Variants in RBFOX3 observed in about 807,000 individuals in gnomAD.
RBFOX3 encodes RNA binding protein fox-1 homolog 3.
RBFOX3 carries 17 observed loss-of-function variants against 48.7 expected under a neutral mutation model. The observed-to-expected ratio is 0.35, with a 90% confidence interval of 0.24 to 0.52. RBFOX3 has a LOEUF of 0.52. RBFOX3 is among the 20% of genes least tolerant of loss of function. RBFOX3 has a pLI of 0.94. For missense variants in RBFOX3, 382 were observed against 497.5 expected (o/e 0.77, Z 2.21); for synonymous variants, 212 against 209.5 (o/e 1.01, Z -0.10).
chr17:79,282,263 G>A (rs1409151885), intron 3 of RBFOX3, among the ~76,000 whole-genome samples: 1 of 152,196 alleles, frequency 6.6e-6, no homozygotes, highest in Non-Finnish European at 1.5e-5. Context: ...GGCCACGAAA[G>A]CAGGGGTAAC....
intron 4 of RBFOX3, among the ~76,000 whole-genome samples, chr17:79,206,889 C>T (rs564661123): frequency 1.3e-5 from 2 of 152,192 alleles, no homozygotes; most frequent in Non-Finnish European, 2.9e-5. Flanking sequence ...CTCATTGACT[C>T]AATAGTACAC....
chr17:79,483,248 C>T (rs1568326681), intron 1 of RBFOX3, among the ~76,000 whole-genome samples: 1 of 152,020 alleles, frequency 6.6e-6, no homozygotes, highest in African/African-American at 2.4e-5. Context: ...GACAGCTTCA[C>T]GGTCAACCCC....
chr17:79,409,591 G>T (rs2064003229), intron 2 of RBFOX3, among the ~76,000 whole-genome samples: 1 of 151,988 alleles, frequency 6.6e-6, no homozygotes, highest in South Asian at 2.1e-4. Flanking sequence ...AGTCCATAAG[G>T]CATGTGCAGA....
At chr17:79,600,590 C>G (rs1306966095) in intron 1 of RBFOX3, 1 of 152,200 alleles carries the variant, frequency 6.6e-6, no homozygotes, top group African/African-American at 2.4e-5. Context: ...GAGGAGACCC[C>G]CGGGGTCTTC....
intron 3 of RBFOX3, among the ~76,000 whole-genome samples, chr17:79,248,797 C>A (rs1360739769): frequency 1.3e-5 from 2 of 152,196 alleles, no homozygotes; most frequent in Admixed American, 1.3e-4. Flanking sequence ...CTGAGGCTGG[C>A]AGGGAGTGTT....
At chr17:79,217,622 G>A (rs890789697) in intron 4 of RBFOX3, among the ~76,000 whole-genome samples, 1 of 152,240 alleles carries the variant, frequency 6.6e-6, no homozygotes, top group Non-Finnish European at 1.5e-5. Context: ...GTGCAGAGGA[G>A]GAAATGGCAT....
chr17:79,361,519 C>T lies in RBFOX3; in HGVS notation c.-174-53695G>A, dbSNP rs1280488251. 2.0e-5 allele frequency among the ~76,000 whole-genome samples: 3 copies of T among 152,234 alleles called. No homozygotes were observed. Among genetic ancestry groups the T allele is most frequent in the African/African-American group, 4.8e-5 (2 of 41,464 alleles). The stretch of plus-strand genomic sequence containing the variant: ...CCACCACCTCCTGCCCCTGAGCCCG[C>T]GTGGCTCTCTGTGCCACAGCTGGAG... On this transcript the variant is annotated intron_variant, in intron 2 of 14. Transcript: ENST00000693108. This position sits in a 1 kb window ranked among gnomAD's most constrained non-coding sequence, Gnocchi z 4.5.
At chr17:79,424,773 C>T (rs1044850913) in intron 2 of RBFOX3, among the ~76,000 whole-genome samples, 11 of 152,170 alleles carry the variant, frequency 7.2e-5, no homozygotes, top group African/African-American at 2.7e-4. Flanking sequence ...TGGGGTCATC[C>T]CTTGGGATCC....
intron 2 of RBFOX3, among the ~76,000 whole-genome samples, chr17:79,330,488 G>T (rs954898791): frequency 3.3e-5 from 5 of 152,004 alleles, no homozygotes; most frequent in East Asian, 1.9e-4. Context: ...AGAATCTTGG[G>T]TCATTCCTGC....
chr17:79,200,856 C>T (rs138724890), intron 4 of RBFOX3, among the ~76,000 whole-genome samples: 1 of 152,194 alleles, frequency 6.6e-6, no homozygotes, highest in Admixed American at 6.5e-5. Context: ...ATCTGGGAAG[C>T]CAAGACAGAA....
chr17:79,658,292 C>G, the RBFOX3 span, among the ~76,000 whole-genome samples: 4 of 148,508 alleles, frequency 2.7e-5, no homozygotes, highest in Non-Finnish European at 6.0e-5. Context: ...CCTCCTCCAC[C>G]CTTCCCTCTC....
At position 79,111,032 on chromosome 17, in the gene RBFOX3, G is replaced by A. The variant is rs1318270242; in HGVS notation, c.223-4244C>T. Among the ~76,000 whole-genome samples, 5 of 152,382 alleles carry A rather than the reference G, an allele frequency of 3.3e-5. No individual in the cohort carries two copies. Among genetic ancestry groups the A allele is most frequent in the South Asian group, 4.1e-4 (2 of 4,834 alleles). Reference sequence around the variant, plus strand: ...CTCCTGGCTGAGGGGAGAGGGCCTTGGCCAGACTGTGAAGCCTGTAGTTAT... The same window carrying A: ...CTCCTGGCTGAGGGGAGAGGGCCTTAGCCAGACTGTGAAGCCTGTAGTTAT... On this transcript the variant is annotated intron_variant, in intron 5 of 14. Coordinates refer to ENST00000693108, the MANE Select transcript of RBFOX3 (RefSeq NM_001350451.2). This position sits in a 1 kb window ranked among gnomAD's most constrained non-coding sequence, Gnocchi z 4.2.
rs933264003 is a variant in RBFOX3 at position 79,249,607 on chromosome 17, A to G, written c.-73-13802T>C. On this transcript the variant is annotated intron_variant, in intron 3 of 14. Transcript: ENST00000693108. The surrounding 1 kb of genome is among the most constrained non-coding windows in gnomAD (Gnocchi z 4.1). The stretch of plus-strand genomic sequence containing the variant: ...TCCTAATCACCCCAGAGCCAGGTAC[A>G]GACAATCAGATCCAGCCCCATAGCC... 1.3e-5 allele frequency among the ~76,000 whole-genome samples: 2 copies of G among 152,130 alleles called. No individual in the cohort carries two copies. The highest frequency in any genetic ancestry group is 4.8e-5 in the African/African-American group (2 of 41,412).
intron 2 of RBFOX3, among the ~76,000 whole-genome samples, chr17:79,373,251 C>T (rs60801662): frequency 0.13 from 19,412 of 152,126 alleles, 1,661 homozygotes; most frequent in East Asian, 0.27. Context: ...CCTACGGCCC[C>T]CACACATACA....
At position 79,391,735 on chromosome 17, in the gene RBFOX3, C is replaced by T. The variant is rs1021120245; in HGVS notation, c.-174-83911G>A. ...GTGGGCACAGGAAAGTCTGTGTGCA[C>T]GTGTGAGTTAGGGTGGGGGGTATGT... On this transcript the variant is annotated intron_variant, in intron 2 of 14. Transcript: ENST00000693108. This position sits in a 1 kb window ranked among gnomAD's most constrained non-coding sequence, Gnocchi z 5.0. Among the ~76,000 whole-genome samples the T allele has an allele frequency of 3.9e-5, 6 of 152,098 alleles. No homozygotes were observed. The highest frequency in any genetic ancestry group is 9.7e-5 in the African/African-American group (4 of 41,408).
At chr17:79,635,349 T>C in the RBFOX3 span, among the ~76,000 whole-genome samples, 3 of 152,236 alleles carry the variant, frequency 2.0e-5, no homozygotes, top group African/African-American at 7.2e-5. Context: ...CGTCCCATCA[T>C]CTTCCAAAGC....
chr17:79,442,362 GGAGA>G (rs1188141711), intron 2 of RBFOX3, among the ~76,000 whole-genome samples: 25 of 7,440 alleles, frequency 3.4e-3, no homozygotes, highest in East Asian at 8.2e-3. Context: ...GAAGAGGGGG[GGAGA>G]GAGAGAGAGA....
intron 1 of RBFOX3, among the ~76,000 whole-genome samples, chr17:79,487,195 T>G (rs1598903314): frequency 6.6e-6 from 1 of 151,786 alleles, no homozygotes; most frequent in African/African-American, 2.4e-5. Context: ...GCACACAAGG[T>G]AGCTGGAGCA....
chr17:79,572,618 G>T (rs939806975), intron 1 of RBFOX3, among the ~76,000 whole-genome samples: 1 of 152,174 alleles, frequency 6.6e-6, no homozygotes, highest in African/African-American at 2.4e-5. Flanking sequence ...CCCTTTCCCC[G>T]GAGGTGGCCC....
Sources: allele counts gnomAD v4.1 joint callset (sites outside exome capture counted in the v4.1 genomes callset), GRCh38; gene constraint gnomAD v4.1.1; non-coding constraint Gnocchi (gnomAD v3.1); transcripts MANE v1.5; gene names NCBI Gene and HGNC (gene_info 2026-07-23, HGNC 2026-07-21).